ESRRG: variants seen among roughly 807,000 people sequenced by gnomAD.
The protein encoded by ESRRG is estrogen related receptor gamma.
Under a neutral mutation model 44.0 loss-of-function variants are expected in ESRRG, and 13 were observed. The ratio of observed to expected loss-of-function variants is 0.30; its 90% CI spans 0.19 to 0.47. The LOEUF (loss-of-function observed/expected upper bound fraction) is 0.47, where lower values mean the gene tolerates loss of function less well. Ranked by LOEUF, ESRRG falls within the 20% of genes least tolerant of loss-of-function variation. The pLI, the probability that ESRRG is intolerant of heterozygous loss-of-function variation, is 1.00. For synonymous variants in ESRRG, 215 were observed against 214.6 expected (o/e 1.00, Z -0.02); for missense variants, 395 against 580.6 (o/e 0.68, Z 3.29).
intron 5 of ESRRG, among the ~76,000 whole-genome samples, chr1:216,546,501 T>C (rs73106563): frequency 0.037 from 5,672 of 152,174 alleles, 372 homozygotes; most frequent in African/African-American, 0.13. Context: ...CTCGGTTTAA[T>C]GCTCTGTTGT....
chr1:216,996,434 A>G (rs1436073177), intron 1 of ESRRG, among the ~76,000 whole-genome samples: 1 of 152,098 alleles, frequency 6.6e-6, no homozygotes, highest in Non-Finnish European at 1.5e-5. Context: ...TAGATAAATC[A>G]GAGGAGAAAA....
chr1:217,075,516 C>T (rs1015704601), intron 1 of ESRRG, among the ~76,000 whole-genome samples: 1 of 151,932 alleles, frequency 6.6e-6, no homozygotes, highest in African/African-American at 2.4e-5. Context: ...GTAAAAACAG[C>T]ATATTTTTAT....
chr1:216,543,293 T>G (rs140154731), intron 5 of ESRRG, among the ~76,000 whole-genome samples: 1 of 152,170 alleles, frequency 6.6e-6, no homozygotes. Flanking sequence ...TTTGTATTCA[T>G]CAGGTATTTT....
At chr1:216,760,871 A>T (rs569297242) in intron 2 of ESRRG, among the ~76,000 whole-genome samples, 1 of 152,256 alleles carries the variant, frequency 6.6e-6, no homozygotes, top group Non-Finnish European at 1.5e-5. Context: ...AGGTGGTGGG[A>T]GGTGATAAAA....
intron 2 of ESRRG, among the ~76,000 whole-genome samples, chr1:216,840,375 G>T (rs1577119658): frequency 6.6e-6 from 1 of 152,108 alleles, no homozygotes; most frequent in Admixed American, 6.6e-5. Flanking sequence ...TTAAGACCTT[G>T]CTTTTGATTA....
chr1:216,794,482 A>G (rs181321009), intron 2 of ESRRG, among the ~76,000 whole-genome samples: 1 of 152,330 alleles, frequency 6.6e-6, no homozygotes, highest in East Asian at 1.9e-4. Context: ...ATAAGTTCCT[A>G]TCGGGAAAAC....
At chr1:217,088,560 G>A (rs191535508) in intron 1 of ESRRG, among the ~76,000 whole-genome samples, 8 of 151,858 alleles carry the variant, frequency 5.3e-5, no homozygotes, top group Middle Eastern at 6.8e-3. Context: ...CATAGCAAAC[G>A]TGCTTCCCTA....
chr1:216,738,104 G>A (rs1368879683), intron 2 of ESRRG, among the ~76,000 whole-genome samples: 3 of 149,412 alleles, frequency 2.0e-5, no homozygotes, highest in East Asian at 4.0e-4. Flanking sequence ...CTTTTTAAAA[G>A]TACAGCTGCC....
chr1:216,938,495 A>G (rs1275540924), intron 2 of ESRRG, among the ~76,000 whole-genome samples: 1 of 152,208 alleles, frequency 6.6e-6, no homozygotes, highest in African/African-American at 2.4e-5. Context: ...TTCAAACATG[A>G]AAACATATTC....
chr1:216,839,069 C>T (rs1403743749), intron 2 of ESRRG, among the ~76,000 whole-genome samples: 1 of 152,174 alleles, frequency 6.6e-6, no homozygotes, highest in African/African-American at 2.4e-5. Context: ...TTTTACTACC[C>T]ACCATAAAAC....
At chr1:216,987,613 A>G (rs1024831777) in intron 1 of ESRRG, among the ~76,000 whole-genome samples, 5 of 152,210 alleles carry the variant, frequency 3.3e-5, no homozygotes, top group African/African-American at 1.2e-4. Flanking sequence ...TGAAGTACTC[A>G]TTTCCTTTCT....
At chr1:216,635,619 T>C (rs527781232) in intron 3 of ESRRG, among the ~76,000 whole-genome samples, 1 of 152,278 alleles carries the variant, frequency 6.6e-6, no homozygotes, top group South Asian at 2.1e-4. Context: ...TTCTGGTCCA[T>C]GACAGACTTT....
At chr1:216,841,682 TC>T (rs1352974148) in intron 2 of ESRRG, among the ~76,000 whole-genome samples, 1 of 151,852 alleles carries the variant, frequency 6.6e-6, no homozygotes, top group African/African-American at 2.4e-5. Flanking sequence ...CCTCTTAACC[TC>T]CCCTTCAGCC....
intron 1 of ESRRG, among the ~76,000 whole-genome samples, chr1:216,970,341 G>A (rs1038425704): frequency 6.6e-6 from 1 of 152,128 alleles, no homozygotes; most frequent in Non-Finnish European, 1.5e-5. Context: ...ATTAAAGCAG[G>A]AATTTGCTAA....
intron 1 of ESRRG, among the ~76,000 whole-genome samples, chr1:217,065,055 C>T (rs182371333): frequency 1.3e-5 from 2 of 152,244 alleles, no homozygotes; most frequent in East Asian, 1.9e-4. Flanking sequence ...AGCTCCTTGA[C>T]GGGAAGCCCT....
At chr1:216,530,304 GTCTATCTA>G (rs532896655) in intron 5 of ESRRG, among the ~76,000 whole-genome samples, 9 of 116,296 alleles carry the variant, frequency 7.7e-5, no homozygotes, top group African/African-American at 1.5e-4. Flanking sequence ...ATATATTAAG[GTCTATCTA>G]TCTATCTATC....
chr1:217,132,458 A>G (rs1032942729), intron 1 of ESRRG, among the ~76,000 whole-genome samples: 10 of 152,158 alleles, frequency 6.6e-5, no homozygotes, highest in African/African-American at 2.4e-4. Context: ...AAGGTGGGGA[A>G]TTTCAAGGCT....
chr1:216,628,950 G>A (rs2063643774), intron 3 of ESRRG, among the ~76,000 whole-genome samples: 1 of 152,094 alleles, frequency 6.6e-6, no homozygotes, highest in South Asian at 2.1e-4. Flanking sequence ...CAGCCTCTGA[G>A]CTTGTGCAAT....
intron 2 of ESRRG, among the ~76,000 whole-genome samples, chr1:216,760,437 T>C (rs755726210): frequency 2.0e-5 from 3 of 152,016 alleles, no homozygotes; most frequent in Non-Finnish European, 4.4e-5. Context: ...GATTTTGCTC[T>C]TTTAAAATCC....
Sources: gnomAD v4.1 joint callset for allele counts (sites outside exome capture counted in the v4.1 genomes callset) on GRCh38, gnomAD v4.1.1 for gene constraint, MANE v1.5 for transcripts, NCBI Gene and HGNC (gene_info 2026-07-23, HGNC 2026-07-21) for gene names.